EDDM13: variants seen among roughly 807,000 people sequenced by gnomAD.
EDDM13 encodes the protein epididymal protein 13.
Under a neutral mutation model 17.8 loss-of-function variants are expected in EDDM13, and 24 were observed. That is an observed-to-expected ratio of 1.35 (90% confidence interval 0.98 to 1.90). The LOEUF (loss-of-function observed/expected upper bound fraction) is 1.90, where lower values mean the gene tolerates loss of function less well. EDDM13 is among the 40% of genes most tolerant of loss of function. The pLI, the probability that EDDM13 is intolerant of heterozygous loss-of-function variation, is 0.00. For missense variants in EDDM13, 97 were observed against 100.8 expected (o/e 0.96, Z 0.16); for synonymous variants, 31 against 37.5 (o/e 0.83, Z 0.63).
At chr19:56,273,328 C>T (rs780865746) in intron 1 of EDDM13, among the ~76,000 whole-genome samples, 1 of 152,160 alleles carries the variant, frequency 6.6e-6, no homozygotes, top group African/African-American at 2.4e-5. Context: ...CAGACTTTTG[C>T]GACGTAAAGA....
chr19:56,295,270 G>C (rs186702322), intron 9 of EDDM13: 1 of 152,100 alleles, frequency 6.6e-6, no homozygotes, highest in African/African-American at 2.4e-5. Flanking sequence ...GGATGAGTAT[G>C]TAGGTGCCTA....
At chr19:56,303,094 AT>A in intron 13 of EDDM13, 1 of 387,084 alleles carries the variant, frequency 2.6e-6, no homozygotes, top group Non-Finnish European at 4.6e-6. Context: ...ACAGAATGGA[AT>A]TAGCCAATTG....
intron 1 of EDDM13, among the ~76,000 whole-genome samples, chr19:56,275,239 T>G (rs769067196): frequency 1.1e-4 from 17 of 152,334 alleles, no homozygotes; most frequent in South Asian, 8.3e-4. Flanking sequence ...CTCCAATTTT[T>G]GCCCATTAAT....
At chr19:56,302,258 C>G (rs922009745) in intron 13 of EDDM13, among the ~76,000 whole-genome samples, 163 bp downstream of exon 13, 1 of 151,838 alleles carries the variant, frequency 6.6e-6, no homozygotes, top group African/African-American at 2.4e-5. Context: ...CTCTCCCACC[C>G]GCCTCCATCT....
At chr19:56,287,408 C>A (rs1268545922) in intron 6 of EDDM13, among the ~76,000 whole-genome samples, 1 of 152,160 alleles carries the variant, frequency 6.6e-6, no homozygotes, top group Non-Finnish European at 1.5e-5. Flanking sequence ...CTTCCCGCCT[C>A]TCCTCCCTCC....
chr19:56,273,525 T>G (rs62122534), intron 1 of EDDM13, among the ~76,000 whole-genome samples: 65,271 of 152,012 alleles, frequency 0.43, 15,435 homozygotes, highest in Non-Finnish European at 0.53. Context: ...GTGTGGGGAT[T>G]CGGAGATGGC....
At chr19:56,298,460 A>ACC (rs2040021487) in intron 12 of EDDM13, among the ~76,000 whole-genome samples, 1 of 151,902 alleles carries the variant, frequency 6.6e-6, no homozygotes, top group Non-Finnish European at 1.5e-5. Flanking sequence ...ACATGATGAA[A>ACC]CCCCGTCTGG....
intron 1 of EDDM13, chr19:56,274,555 A>ATT (rs2038110278): frequency 6.6e-6 from 1 of 152,178 alleles, no homozygotes; most frequent in Admixed American, 6.5e-5. Context: ...CACAAAAATT[A>ATT]AGTTTCTGAA....
intron 12 of EDDM13, among the ~76,000 whole-genome samples, chr19:56,301,113 C>T (rs749090203): frequency 3.9e-5 from 6 of 151,918 alleles, no homozygotes; most frequent in East Asian, 1.9e-4. Context: ...TCTTGAATCT[C>T]GTGCAAGAAA....
intron 12 of EDDM13, among the ~76,000 whole-genome samples, chr19:56,299,444 T>TAA (rs57347831): frequency 8.4e-5 from 12 of 143,378 alleles, no homozygotes; most frequent in African/African-American, 1.8e-4. Flanking sequence ...TGTTCATGAT[T>TAA]AAAAAAAAAA....
intron 2 of EDDM13, among the ~76,000 whole-genome samples, chr19:56,277,715 T>C (rs1262861153): frequency 1.3e-5 from 2 of 152,166 alleles, no homozygotes; most frequent in Admixed American, 6.5e-5. Context: ...AAATATCTAT[T>C]ACTGCATTAA....
At chr19:56,295,633 A>T (rs2039821428) in intron 9 of EDDM13, among the ~76,000 whole-genome samples, 1 of 152,008 alleles carries the variant, frequency 6.6e-6, no homozygotes, top group African/African-American at 2.4e-5. Context: ...CAAACAGAAG[A>T]GATGGGAATG....
chr19:56,299,843 C>G (rs962126384), intron 12 of EDDM13: 1 of 152,292 alleles, frequency 6.6e-6, no homozygotes, highest in East Asian at 1.9e-4. Flanking sequence ...CAGAGTCCAG[C>G]GACACAGAGG....
intron 2 of EDDM13, among the ~76,000 whole-genome samples, chr19:56,279,682 A>G (rs2147046381): frequency 6.6e-6 from 1 of 152,130 alleles, no homozygotes; most frequent in East Asian, 1.9e-4. Context: ...GGTGAGCTAA[A>G]ATGCCTGCAG....
Position 56,304,829 on chromosome 19 carries a change from A to G in EDDM13, c.460A>G (p.Arg154Gly), listed in dbSNP as rs902732829. 39 of 984,002 alleles carry G rather than the reference A, an allele frequency of 4.0e-5. No individual in the cohort carries two copies. The Admixed American group carries it at 9.8e-4, about 25-fold the overall frequency. 61.0% of individuals were successfully genotyped at this position (984,002 alleles called of 1,614,324 possible). Residue 154 changes from arginine (R) to glycine (G), a missense_variant and splice_region_variant, in exon 14 of 15, where the codon AGG becomes GGG. Coordinates refer to ENST00000649256, the MANE Select transcript of EDDM13 (RefSeq NM_001354658.2). ...CTACTGTAACTTGGAACTGGACATC[A>G]GGTATGCTATGGCAGGGAAGTGGGC... Reference protein sequence around the residue: ...CHYCNLELDIRDDPCCSF With the variant: ...CHYCNLELDIGDDPCCSF
At chr19:56,291,919 G>A (rs1035434313) in intron 9 of EDDM13, among the ~76,000 whole-genome samples, 5 of 152,184 alleles carry the variant, frequency 3.3e-5, no homozygotes. Flanking sequence ...CCAGGCGCGA[G>A]GCACCAGAGC....
chr19:56,294,217 C>T (rs2039709133), intron 9 of EDDM13, among the ~76,000 whole-genome samples: 1 of 152,182 alleles, frequency 6.6e-6, no homozygotes, highest in Non-Finnish European at 1.5e-5. Context: ...AAACACCTGC[C>T]TAAGGGCCCA....
chr19:56,280,007 A>G (rs570773501), intron 2 of EDDM13, among the ~76,000 whole-genome samples: 1 of 152,266 alleles, frequency 6.6e-6, no homozygotes, highest in South Asian at 2.1e-4. Context: ...AGAAGTTCTC[A>G]AGGTTATACT....
At chr19:56,294,324 G>A (rs1217058281) in intron 9 of EDDM13, among the ~76,000 whole-genome samples, 1 of 152,240 alleles carries the variant, frequency 6.6e-6, no homozygotes, top group Non-Finnish European at 1.5e-5. Context: ...GAGACAGCCT[G>A]AGTTTTAAGG....
Sources: allele counts gnomAD v4.1 joint callset (sites outside exome capture counted in the v4.1 genomes callset), GRCh38; gene constraint gnomAD v4.1.1; transcripts MANE v1.5; gene names NCBI Gene and HGNC (gene_info 2026-07-23, HGNC 2026-07-21).